The following CCND3 variants were observed in gnomAD, a reference collection of about 807,000 sequenced individuals.
CCND3 encodes the protein G1/S-specific cyclin-D3.
A neutral mutation model predicts 28.7 loss-of-function variants in CCND3; 9 were observed. That is an observed-to-expected ratio of 0.31 (90% confidence interval 0.19 to 0.55). CCND3 has a LOEUF of 0.55. Among genes scored for constraint, CCND3 ranks in the 20% least tolerant of loss-of-function variants. The pLI, the probability that CCND3 is intolerant of heterozygous loss-of-function variation, is 0.93. For missense variants in CCND3, 315 were observed against 385.8 expected (o/e 0.82, Z 1.54); for synonymous variants, 164 against 163.9 (o/e 1.00, Z 0.00).
intron 1 of CCND3, among the ~76,000 whole-genome samples, chr6:41,953,819 A>G (rs1443801058): frequency 6.6e-6 from 1 of 152,026 alleles, no homozygotes; most frequent in Admixed American, 6.6e-5. Flanking sequence ...AGGGACTTCC[A>G]TCAGTGGGGC....
At chr6:41,973,375 T>G (rs1762086525) in intron 1 of CCND3, among the ~76,000 whole-genome samples, 2 of 152,218 alleles carry the variant, frequency 1.3e-5, no homozygotes, top group Admixed American at 1.3e-4. Flanking sequence ...AATCTTAGCA[T>G]TTTATAATAG....
chr6:42,005,595 C>T (rs1763154350), intron 1 of CCND3, among the ~76,000 whole-genome samples: 1 of 149,598 alleles, frequency 6.7e-6, no homozygotes, highest in Admixed American at 6.7e-5. Context: ...TGCATTGGCT[C>T]ATTCCTGTAA....
rs190039302 is a variant in CCND3, at chr6:41,992,605, C to T, written c.-45-52020G>A. ...CTGGGATAACAGGCATGCGCCACCACGCCCAGCTAATTTTTGTATTTTTAG... is the reference window on the plus strand; with the variant it reads ...CTGGGATAACAGGCATGCGCCACCATGCCCAGCTAATTTTTGTATTTTTAG... On this transcript the variant is annotated intron_variant, in intron 1 of 4. Coordinates refer to the CCND3 transcript ENST00000372988. Among the ~76,000 whole-genome samples the T allele has an allele frequency of 8.2e-4, 125 of 151,734 alleles. 1 individual carries two copies. The highest frequency in any genetic ancestry group is 3.0e-3 in the African/African-American group (124 of 41,346).
In CCND3 at chr6:41,936,349, A is replaced by C; in HGVS notation, c.711+210T>G. On this transcript the variant is annotated intron_variant, in intron 4 of 4. Transcript: ENST00000372991. The surrounding 1 kb of genome is among the most constrained non-coding windows in gnomAD (Gnocchi z 4.4). ...CACTCCAGCACACCACTTGGCAAGAAAAGAACCCCTAGGGCCAGTGCCCTT... is the reference window on the plus strand; with the variant it reads ...CACTCCAGCACACCACTTGGCAAGACAAGAACCCCTAGGGCCAGTGCCCTT... 2 of 680,518 alleles carry C rather than the reference A, an allele frequency of 2.9e-6. No homozygotes were observed. Among genetic ancestry groups the C allele is most frequent in the Non-Finnish European group, 4.8e-6 (2 of 413,710 alleles). The allele number at this position is 680,518 out of a possible 1,614,324, so 42.2% of individuals were successfully genotyped here. A position where few individuals can be genotyped will look rare whatever the true frequency, so the allele number is the denominator to read the frequency against.
intron 1 of CCND3, among the ~76,000 whole-genome samples, chr6:41,947,836 GACCC>G (rs1418065651): frequency 6.6e-6 from 1 of 151,986 alleles, no homozygotes; most frequent in South Asian, 2.1e-4. Context: ...GGGTCTCCCT[GACCC>G]ACCCTTGGCC....
At chr6:41,975,043 C>T (rs1202938698) in intron 1 of CCND3, among the ~76,000 whole-genome samples, 4 of 152,152 alleles carry the variant, frequency 2.6e-5, no homozygotes, top group Admixed American at 2.0e-4. Flanking sequence ...CCACCTGCCT[C>T]GGCCTCCCAA....
chr6:41,935,873 A>C lies in CCND3; in HGVS notation c.*67T>G. On this transcript the variant is annotated 3_prime_UTR_variant, in exon 5 of 5. Coordinates refer to ENST00000372991, the MANE Select transcript of CCND3 (RefSeq NM_001760.5). ...GGCTTAGATGTGGTGTGGTTCCTGG[A>C]GGCAGGGAGGTGGGTGGCAGCGGCC... 1 of 1,444,602 alleles carries C rather than the reference A, an allele frequency of 6.9e-7. No homozygotes were observed. The highest frequency in any genetic ancestry group is 9.5e-7 in the Non-Finnish European group (1 of 1,048,998). 89.5% of individuals were successfully genotyped at this position (1,444,602 alleles called of 1,614,324 possible).
chr6:41,959,260 G>A (rs1487848763), intron 1 of CCND3, among the ~76,000 whole-genome samples: 1 of 152,164 alleles, frequency 6.6e-6, no homozygotes, highest in Non-Finnish European at 1.5e-5. Context: ...GTTGCGGTGA[G>A]CCGAGATTGC....
intron 1 of CCND3, among the ~76,000 whole-genome samples, chr6:41,949,881 T>TC: frequency 6.6e-6 from 1 of 150,448 alleles, no homozygotes. Flanking sequence ...GATCACAAGG[T>TC]CAGGAGGTTG....
chr6:41,957,849 T>G (rs1190982320), intron 1 of CCND3, among the ~76,000 whole-genome samples: 1 of 152,158 alleles, frequency 6.6e-6, no homozygotes. Context: ...TTCTATTTAT[T>G]TTTGTTTTTT....
chr6:41,964,463 A>T (rs1382145211), intron 1 of CCND3, among the ~76,000 whole-genome samples: 2 of 146,104 alleles, frequency 1.4e-5, no homozygotes, highest in African/African-American at 5.3e-5. Context: ...TCTGTGTGTG[A>T]GTGTGTGTGT....
chr6:42,024,852 A>T (rs1763825733), intron 1 of CCND3, among the ~76,000 whole-genome samples: 1 of 152,210 alleles, frequency 6.6e-6, no homozygotes, highest in Non-Finnish European at 1.5e-5. Flanking sequence ...TGAGGTCAGG[A>T]GTTCGAGACC....
rs974022108 is a variant in CCND3, at chr6:41,935,463, AGAG to A, written c.*474_*476del. ...CTACATAGGGGCCTCCAAAGTACTG[AGAG>A]GAGCCATCTAGACTATTCCCCCTCA... is the stretch of plus-strand genomic sequence containing the variant. On this transcript the variant is annotated 3_prime_UTR_variant, in exon 5 of 5. Transcript: ENST00000372991. 3.8e-6 allele frequency: 1 copy of A among 260,172 alleles called. No individual in the cohort carries two copies. Among genetic ancestry groups the A allele is most frequent in the African/African-American group, 2.2e-5 (1 of 46,220 alleles). The allele number at this position is 260,172 out of a possible 1,614,324, so 16.1% of individuals were successfully genotyped here. A position where few individuals can be genotyped will look rare whatever the true frequency, so the allele number is the denominator to read the frequency against.
At chr6:42,019,693 ATAGGACTT>A (rs1009926174) in intron 1 of CCND3, among the ~76,000 whole-genome samples, 2 of 152,066 alleles carry the variant, frequency 1.3e-5, no homozygotes, top group African/African-American at 4.8e-5. Context: ...TCCCTGAGGG[ATAGGACTT>A]AATGATTGGG....
chr6:41,965,338 G>C (rs889999468), intron 1 of CCND3, among the ~76,000 whole-genome samples: 3 of 152,076 alleles, frequency 2.0e-5, no homozygotes, highest in Non-Finnish European at 4.4e-5. Flanking sequence ...AAAGTGCTGG[G>C]ATTACAAGCG....
chr6:41,936,902 T>G lies in CCND3; in HGVS notation c.575-207A>C. ...CTAGAGATCAGAACCAACTGCCAGT[T>G]TCCATAGGTCCCGGGAATAGACAAG... On this transcript the variant is annotated intron_variant, in intron 3 of 4. Coordinates refer to ENST00000372991, the MANE Select transcript of CCND3 (RefSeq NM_001760.5). The surrounding 1 kb of genome is among the most constrained non-coding windows in gnomAD (Gnocchi z 4.4). 1 of 605,416 alleles carries G rather than the reference T, an allele frequency of 1.7e-6. No homozygotes were observed. The highest frequency in any genetic ancestry group is 2.9e-6 in the Non-Finnish European group (1 of 344,688). The allele number at this position is 605,416 out of a possible 1,614,324, so 37.5% of individuals were successfully genotyped here. A position where few individuals can be genotyped will look rare whatever the true frequency, so the allele number is the denominator to read the frequency against.
At chr6:41,987,840 G>A (rs1762533883) in intron 1 of CCND3, among the ~76,000 whole-genome samples, 1 of 151,642 alleles carries the variant, frequency 6.6e-6, no homozygotes, top group Non-Finnish European at 1.5e-5. Context: ...TATACACCTG[G>A]AATCTGCTTT....
chr6:42,033,924 G>C (rs538546527), intron 1 of CCND3, among the ~76,000 whole-genome samples: 1 of 152,186 alleles, frequency 6.6e-6, no homozygotes, highest in Admixed American at 6.5e-5. Flanking sequence ...GGAGGCCAAG[G>C]CTAGAGGATC....
intron 1 of CCND3, among the ~76,000 whole-genome samples, chr6:42,042,753 C>A (rs187205664): frequency 6.6e-6 from 1 of 152,094 alleles, no homozygotes; most frequent in South Asian, 2.1e-4. Flanking sequence ...CATGGTCTGC[C>A]GTGAGGATGC....
Sources: allele counts gnomAD v4.1 joint callset (sites outside exome capture counted in the v4.1 genomes callset), GRCh38; gene constraint gnomAD v4.1.1; non-coding constraint Gnocchi (gnomAD v3.1); transcripts MANE v1.5; gene names NCBI Gene and HGNC (gene_info 2026-07-23, HGNC 2026-07-21).